ANK3: variants seen among roughly 807,000 people sequenced by gnomAD.
ANK3 encodes the protein ankyrin 3, also known as ankyrin-3.
ANK3 carries 57 observed loss-of-function variants against 370.9 expected under a neutral mutation model. The observed-to-expected ratio is 0.15, with a 90% CI of 0.12 to 0.19. The LOEUF is 0.19. Ranked by LOEUF, ANK3 falls within the 10% of genes least tolerant of loss-of-function variation. The pLI is 1.00. For synonymous variants in ANK3, 1,929 were observed against 1,946.3 expected (o/e 0.99, Z 0.23); for missense variants, 4,439 against 5,302.1 (o/e 0.84, Z 5.06).
chr10:60,486,135 C>T (rs537760311), intron 2 of ANK3, among the ~76,000 whole-genome samples: 12 of 152,232 alleles, frequency 7.9e-5, no homozygotes, highest in African/African-American at 2.9e-4. Context: ...TTTCTGAACA[C>T]GAATTCCCTG....
chr10:60,346,278 T>C (rs2055460274), intron 1 of ANK3, among the ~76,000 whole-genome samples: 1 of 143,572 alleles, frequency 7.0e-6, no homozygotes, highest in Non-Finnish European at 1.5e-5. Context: ...ATGTAACAGT[T>C]CTATATGGCA....
At chr10:60,327,305 G>C (rs2050140656) in intron 1 of ANK3, among the ~76,000 whole-genome samples, 1 of 152,164 alleles carries the variant, frequency 6.6e-6, no homozygotes, top group African/African-American at 2.4e-5. Flanking sequence ...TCTCTCTTTT[G>C]AGATAGGAAG....
chr10:60,640,483 T>C (rs1314576931), intron 1 of ANK3, among the ~76,000 whole-genome samples: 1 of 140,238 alleles, frequency 7.1e-6, no homozygotes, highest in African/African-American at 2.6e-5. Flanking sequence ...GCTAGTTCAA[T>C]ATATGCAAAT....
At chr10:60,714,792 C>G (rs187429136) in intron 1 of ANK3, among the ~76,000 whole-genome samples, 1 of 152,242 alleles carries the variant, frequency 6.6e-6, no homozygotes, top group African/African-American at 2.4e-5. Flanking sequence ...GAGTTTGAGA[C>G]CAGCCTGGGC....
At chr10:60,522,338 T>C (rs1005205175) in intron 2 of ANK3, among the ~76,000 whole-genome samples, 1 of 124,242 alleles carries the variant, frequency 8.0e-6, no homozygotes, top group African/African-American at 2.9e-5. Context: ...TAGGGTTCCA[T>C]ATTGAGACTT....
intron 2 of ANK3, among the ~76,000 whole-genome samples, chr10:60,418,791 A>T (rs1324358875): frequency 6.6e-6 from 1 of 152,026 alleles, no homozygotes; most frequent in Non-Finnish European, 1.5e-5. Flanking sequence ...AACCCTAAAC[A>T]GAAATTTTAA....
intron 2 of ANK3, among the ~76,000 whole-genome samples, chr10:60,564,346 C>A (rs2077409332): frequency 6.6e-6 from 1 of 152,162 alleles, no homozygotes; most frequent in Non-Finnish European, 1.5e-5. Context: ...CGTGACCATG[C>A]TCAGTACACC....
chr10:60,440,799 G>A (rs2064281149), intron 2 of ANK3, among the ~76,000 whole-genome samples: 1 of 152,076 alleles, frequency 6.6e-6, no homozygotes, highest in African/African-American at 2.4e-5. Context: ...CGTAACAAAA[G>A]GTACATAAAT....
chr10:60,297,377 A>G (rs1181961646), intron 1 of ANK3, among the ~76,000 whole-genome samples: 1 of 152,192 alleles, frequency 6.6e-6, no homozygotes, highest in Admixed American at 6.5e-5. Context: ...AAATAAAAGA[A>G]TTAAATTCCT....
chr10:60,610,891 C>A (rs2078192006), intron 2 of ANK3, among the ~76,000 whole-genome samples: 1 of 152,054 alleles, frequency 6.6e-6, no homozygotes, highest in South Asian at 2.1e-4. Context: ...AAACAGTATG[C>A]TTTGTGTCAG....
intron 28 of ANK3, among the ~76,000 whole-genome samples, chr10:60,096,148 G>T (rs192275154): frequency 1.3e-5 from 2 of 152,196 alleles, no homozygotes; most frequent in Admixed American, 1.3e-4. Context: ...ACTGCAGCCT[G>T]GGTGACACAG....
chr10:60,107,994 C>T (rs949189836), intron 27 of ANK3, among the ~76,000 whole-genome samples: 3 of 151,874 alleles, frequency 2.0e-5, no homozygotes, highest in African/African-American at 2.4e-5. Context: ...AGATAGGTAG[C>T]GGTGCTACAT....
intron 1 of ANK3, among the ~76,000 whole-genome samples, chr10:60,362,220 A>T (rs1410609262): frequency 6.6e-6 from 1 of 152,220 alleles, no homozygotes; most frequent in African/African-American, 2.4e-5. Flanking sequence ...TTTCATTAAA[A>T]AACACTGCTA....
chr10:60,076,153 T>A lies in ANK3; in HGVS notation c.4728A>T (p.Thr1576=). Residue 1576 remains threonine (T), a synonymous_variant, in exon 37 of 44, where the codon ACA becomes ACT. Transcript: ENST00000280772. ...DVASPIRSFR[T]MSSPIKTVVS... is the part of the protein sequence containing the mutation. ...CCACAGTTTTTATCGGCGAAGACAT[T>A]GTCCGAAAGGATCTAATTGGAGATG... The A allele has an allele frequency of 6.2e-7, 1 of 1,614,230 alleles. No homozygotes were observed. Among genetic ancestry groups the A allele is most frequent in the Non-Finnish European group, 8.5e-7 (1 of 1,180,018 alleles).
chr10:60,206,165 G>C (rs1218200783), intron 10 of ANK3, among the ~76,000 whole-genome samples: 1 of 152,012 alleles, frequency 6.6e-6, no homozygotes, highest in Non-Finnish European at 1.5e-5. Context: ...TTTTATTTTG[G>C]AATTCACTCT....
chr10:60,551,269 T>C (rs79994045), intron 2 of ANK3, among the ~76,000 whole-genome samples: 3 of 152,154 alleles, frequency 2.0e-5, no homozygotes, highest in Admixed American at 2.0e-4. Flanking sequence ...AACAACTGTT[T>C]TAAAAAATAA....
intron 2 of ANK3, among the ~76,000 whole-genome samples, chr10:60,556,077 C>T (rs1256742468): frequency 2.0e-5 from 3 of 152,206 alleles, no homozygotes; most frequent in African/African-American, 4.8e-5. Context: ...CTCTTTATAA[C>T]ATCGCTCAGG....
intron 1 of ANK3, among the ~76,000 whole-genome samples, chr10:60,626,703 T>C (rs981112689): frequency 1.3e-5 from 2 of 152,166 alleles, no homozygotes; most frequent in Admixed American, 6.5e-5. Context: ...GAGATGCTAG[T>C]ACCCTGACAA....
At chr10:60,399,627 G>A (rs1424598703) in intron 2 of ANK3, among the ~76,000 whole-genome samples, 1 of 152,172 alleles carries the variant, frequency 6.6e-6, no homozygotes, top group Non-Finnish European at 1.5e-5. Context: ...CTGCAGGCAA[G>A]GAGCCGCTAC....
Sources: gnomAD v4.1 joint callset for allele counts (sites outside exome capture counted in the v4.1 genomes callset) on GRCh38, gnomAD v4.1.1 for gene constraint, MANE v1.5 for transcripts, NCBI Gene and HGNC (gene_info 2026-07-23, HGNC 2026-07-21) for gene names.